Variants in CNTN6 observed in about 807,000 individuals in gnomAD.
CNTN6 encodes contactin-6.
CNTN6 carries 137 observed loss-of-function variants against 122.8 expected under a neutral mutation model. That is an observed-to-expected ratio of 1.12 (90% CI 0.97 to 1.29). The LOEUF is 1.29. Ranked by LOEUF, CNTN6 falls within the 50% of genes most tolerant of loss-of-function variation. CNTN6 has a pLI of 0.00. For missense variants in CNTN6, 1,634 were observed against 1,223.4 expected (o/e 1.34, Z -5.01); for synonymous variants, 570 against 426.0 (o/e 1.34, Z -4.16).
intron 1 of CNTN6, among the ~76,000 whole-genome samples, chr3:1,137,022 C>T (rs2092493435): frequency 1.3e-5 from 2 of 152,146 alleles, no homozygotes; most frequent in Non-Finnish European, 2.9e-5. Context: ...CTATTATTCT[C>T]ATTATCTTCC....
chr3:1,257,255 A>T (rs2094774472), intron 4 of CNTN6, among the ~76,000 whole-genome samples: 1 of 152,082 alleles, frequency 6.6e-6, no homozygotes, highest in African/African-American at 2.4e-5. Context: ...AAATATGTTA[A>T]TATTTTTCTT....
chr3:1,327,922 A>G (rs1575720128), intron 10 of CNTN6, among the ~76,000 whole-genome samples: 1 of 151,800 alleles, frequency 6.6e-6, no homozygotes, highest in South Asian at 2.1e-4. Flanking sequence ...AAAAATCACA[A>G]TTCACAGTAA....
chr3:1,292,239 A>G (rs1481410617), intron 5 of CNTN6, among the ~76,000 whole-genome samples: 2 of 152,106 alleles, frequency 1.3e-5, no homozygotes, highest in Non-Finnish European at 2.9e-5. Flanking sequence ...AGAGGGTTTT[A>G]TTTAACTTTT....
chr3:1,270,653 AG>A (rs1406318615), intron 4 of CNTN6, among the ~76,000 whole-genome samples: 1 of 152,214 alleles, frequency 6.6e-6, no homozygotes, highest in Non-Finnish European at 1.5e-5. Flanking sequence ...CTTCTTCAGA[AG>A]GATTCTCAAA....
intron 19 of CNTN6, among the ~76,000 whole-genome samples, chr3:1,384,718 TATATATACACACATATATATAC>T (rs1329669130): frequency 2.3e-5 from 3 of 131,808 alleles, no homozygotes; most frequent in African/African-American, 8.0e-5. Flanking sequence ...ATATACATAC[TATATATACACACATATATATAC>T]ATATATACAC....
intron 12 of CNTN6, among the ~76,000 whole-genome samples, chr3:1,366,038 T>A (rs558602481): frequency 2.2e-4 from 34 of 152,114 alleles, no homozygotes; most frequent in Admixed American, 1.7e-3. Context: ...CAAAATCAAG[T>A]GGAGAAGCCT....
chr3:1,256,029 C>T lies in CNTN6; in HGVS notation c.359-22384C>T, dbSNP rs188185033. On this transcript the variant is annotated intron_variant, in intron 4 of 22. Coordinates refer to ENST00000446702, the MANE Select transcript of CNTN6 (RefSeq NM_001289080.2). ...GAATACAGGCGTGTGCCACCATATCCGGCTAATTTTTAAGATTTTTTTGTA... is the reference window on the plus strand; with the variant it reads ...GAATACAGGCGTGTGCCACCATATCTGGCTAATTTTTAAGATTTTTTTGTA... Among the ~76,000 whole-genome samples, 331 of 151,898 alleles carry T rather than the reference C, an allele frequency of 2.2e-3. 1 individual carries two copies. Among genetic ancestry groups the T allele is most frequent in the Non-Finnish European group, 2.9e-3 (195 of 67,966 alleles).
At chr3:1,214,421 G>T (rs190810080) in intron 2 of CNTN6, among the ~76,000 whole-genome samples, 44 of 142,070 alleles carry the variant, frequency 3.1e-4, no homozygotes, top group Admixed American at 1.3e-3. Context: ...CGATTCTCCT[G>T]CCTCAGCCTC....
chr3:1,352,532 T>C, intron 12 of CNTN6, 81 bp downstream of exon 12: 1 of 1,490,988 alleles, frequency 6.7e-7, no homozygotes, highest in Non-Finnish European at 9.2e-7. Flanking sequence ...GTGTCAAACC[T>C]GTACCATATT....
chr3:1,387,551 C>G (rs933839721), intron 20 of CNTN6, among the ~76,000 whole-genome samples: 2 of 152,150 alleles, frequency 1.3e-5, no homozygotes, highest in Non-Finnish European at 1.5e-5. Flanking sequence ...CACAGAAACT[C>G]TTGTGTGTAG....
intron 4 of CNTN6, among the ~76,000 whole-genome samples, chr3:1,240,846 C>T (rs1703155): frequency 4.6e-5 from 7 of 152,062 alleles, no homozygotes; most frequent in Admixed American, 2.6e-4. Context: ...TGGGTGCAGG[C>T]GGGCTGAGTC....
chr3:1,245,304 A>ATAT (rs1553639238), intron 4 of CNTN6, among the ~76,000 whole-genome samples: 907 of 8,990 alleles, frequency 0.1, 170 homozygotes, highest in Non-Finnish European at 0.13. Flanking sequence ...ACATATATAT[A>ATAT]TATATATATA....
At chr3:1,172,878 A>G (rs2093383908) in intron 2 of CNTN6, among the ~76,000 whole-genome samples, 1 of 152,130 alleles carries the variant, frequency 6.6e-6, no homozygotes, top group South Asian at 2.1e-4. Flanking sequence ...CTGGTCTGCT[A>G]GTCTGTTGGT....
chr3:1,143,042 C>G (rs1413666403), intron 1 of CNTN6, among the ~76,000 whole-genome samples: 1 of 140,774 alleles, frequency 7.1e-6, no homozygotes, highest in African/African-American at 2.7e-5. Flanking sequence ...CATCAACCAA[C>G]ATCTCTGTTT....
intron 1 of CNTN6, among the ~76,000 whole-genome samples, chr3:1,124,953 T>C (rs1307696484): frequency 1.3e-5 from 2 of 151,978 alleles, no homozygotes; most frequent in Non-Finnish European, 2.9e-5. Context: ...TTGCTCACTA[T>C]TGTATCTTCA....
At chr3:1,319,978 C>G (rs1009088407) in intron 7 of CNTN6, among the ~76,000 whole-genome samples, 11 of 151,556 alleles carry the variant, frequency 7.3e-5, no homozygotes, top group Non-Finnish European at 4.4e-5. Context: ...ATAAAATTCA[C>G]TAGACATTGT....
intron 17 of CNTN6, 36 bp from the exon 18 acceptor site, chr3:1,382,906 T>A: frequency 7.3e-7 from 1 of 1,372,330 alleles, no homozygotes; most frequent in Non-Finnish European, 1.0e-6. Flanking sequence ...AAAATATTTT[T>A]GCAAATACTC....
chr3:1,352,196 G>A (rs1705746415), intron 11 of CNTN6, 128 bp from the exon 12 acceptor site: 2 of 771,490 alleles, frequency 2.6e-6, no homozygotes, highest in Non-Finnish European at 3.8e-6. Flanking sequence ...CAGAATAATA[G>A]GAAAGGAAAA....
At chr3:1,311,789 A>T (rs1421806622) in intron 7 of CNTN6, among the ~76,000 whole-genome samples, 1 of 151,552 alleles carries the variant, frequency 6.6e-6, no homozygotes, top group South Asian at 2.1e-4. Flanking sequence ...TTGTTTGTAA[A>T]TTTTTTTAAT....
Sources: allele counts gnomAD v4.1 joint callset (sites outside exome capture counted in the v4.1 genomes callset), GRCh38; gene constraint gnomAD v4.1.1; transcripts MANE v1.5; gene names NCBI Gene and HGNC (gene_info 2026-07-23, HGNC 2026-07-21).